The following SLC25A24 variants were observed in gnomAD, a reference collection of about 807,000 sequenced individuals.
SLC25A24 encodes the protein solute carrier family 25 member 24.
A neutral mutation model predicts 60.7 loss-of-function variants in SLC25A24; 49 were observed. That is an observed-to-expected ratio of 0.81 (90% confidence interval 0.64 to 1.02). SLC25A24 has a LOEUF of 1.02. Among genes scored for constraint, SLC25A24 ranks in the 50% least tolerant of loss-of-function variants. The probability of loss-of-function intolerance (pLI) is 0.00; values close to 1 mark genes in which losing one functional copy is unlikely to be tolerated. For missense variants in SLC25A24, 564 were observed against 586.3 expected (o/e 0.96, Z 0.39); for synonymous variants, 202 against 200.6 (o/e 1.01, Z -0.06).
chr1:108,164,270 C>T (rs538917554), intron 3 of SLC25A24, among the ~76,000 whole-genome samples: 4,725 of 152,016 alleles, frequency 0.031, 201 homozygotes, highest in African/African-American at 0.11. Flanking sequence ...TGTTGTGTCT[C>T]TGCCTGGCTT....
At chr1:108,143,797 T>C in intron 7 of SLC25A24, 87 bp from the exon 8 acceptor site, 2 of 959,792 alleles carry the variant, frequency 2.1e-6, no homozygotes, top group Middle Eastern at 2.3e-4. Flanking sequence ...ATGGAACAAA[T>C]ACCTAGCACA....
intron 6 of SLC25A24, among the ~76,000 whole-genome samples, chr1:108,151,310 T>C (rs1679749917): frequency 6.6e-6 from 1 of 152,174 alleles, no homozygotes; most frequent in Non-Finnish European, 1.5e-5. Flanking sequence ...AGTTTCCTTC[T>C]CTTCACTGTC....
chr1:108,143,390 A>C (rs1167837879), intron 8 of SLC25A24, among the ~76,000 whole-genome samples, 153 bp downstream of exon 8: 2 of 152,236 alleles, frequency 1.3e-5, no homozygotes, highest in Non-Finnish European at 2.9e-5. Context: ...ATGCATATTC[A>C]CACTCAAGTT....
intron 2 of SLC25A24, among the ~76,000 whole-genome samples, chr1:108,183,410 TA>T (rs1648007831): frequency 6.6e-6 from 1 of 152,258 alleles, no homozygotes; most frequent in East Asian, 1.9e-4. Context: ...TCATCTTCCA[TA>T]AAGTTCTATA....
chr1:108,173,276 A>G (rs1647544135), intron 3 of SLC25A24, among the ~76,000 whole-genome samples: 1 of 152,120 alleles, frequency 6.6e-6, no homozygotes, highest in African/African-American at 2.4e-5. Flanking sequence ...GAGGTAATTG[A>G]ATTATGGGGG....
Position 108,185,922 on chromosome 1 carries a change from A to G in SLC25A24, c.216T>C (p.Asp72=), listed in dbSNP as rs146823029. The G allele has an allele frequency of 5.9e-5, 94 of 1,598,476 alleles. No individual in the cohort carries two copies. Among genetic ancestry groups the G allele is most frequent in the Admixed American group, 8.5e-5 (5 of 59,078 alleles). Residue 72 remains aspartate, a synonymous_variant, in exon 2 of 10, where the codon GAT becomes GAC. Coordinates refer to ENST00000565488, the MANE Select transcript of SLC25A24 (RefSeq NM_013386.5). ...TAAATTCTTCAAAATCCAGCTTCCC[A>G]TCTTTGTTGACATCTCCAGTAGTAA... ...KIFTTGDVNK[D]GKLDFEEFMK... is the part of the protein sequence containing the mutation.
chr1:108,149,184 A>G (rs1235965785), intron 6 of SLC25A24, among the ~76,000 whole-genome samples: 1 of 152,258 alleles, frequency 6.6e-6, no homozygotes, highest in Non-Finnish European at 1.5e-5. Context: ...TTATAAAAAC[A>G]GTTTCTGTAG....
Position 108,155,026 on chromosome 1 carries a change from T to C in SLC25A24, c.779A>G (p.Lys260Arg), listed in dbSNP as rs1679856511. ...LWRGNGTNVI[K>R]IAPETAVKFW... ...TTTAACAGCTGTCTCAGGAGCAATTTTGATGACGTTTGTACCATTTCCCCT... is the reference window on the plus strand; with the variant it reads ...TTTAACAGCTGTCTCAGGAGCAATTCTGATGACGTTTGTACCATTTCCCCT... Residue 260 changes from lysine to arginine, a missense_variant, in exon 6 of 10, where the codon AAA becomes AGA. Coordinates refer to ENST00000565488, the MANE Select transcript of SLC25A24 (RefSeq NM_013386.5). The C allele has an allele frequency of 6.2e-7, 1 of 1,609,900 alleles. No individual in the cohort carries two copies. Among genetic ancestry groups the C allele is most frequent in the African/African-American group, 1.3e-5 (1 of 74,858 alleles).
At chr1:108,164,149 A>G (rs1368297538) in intron 3 of SLC25A24, among the ~76,000 whole-genome samples, 2 of 151,524 alleles carry the variant, frequency 1.3e-5, no homozygotes, top group Admixed American at 1.3e-4. Context: ...AGCCCACTTG[A>G]TCATGGTGGA....
intron 6 of SLC25A24, among the ~76,000 whole-genome samples, chr1:108,149,160 A>G (rs2336507): frequency 0.26 from 40,267 of 152,252 alleles, 5,449 homozygotes; most frequent in Middle Eastern, 0.28. Context: ...ACAAACAAAT[A>G]TTAACAAAAC....
Position 108,200,204 on chromosome 1 carries a change from C to T in SLC25A24, c.-66G>A. The T allele has an allele frequency of 2.8e-6, 4 of 1,425,492 alleles. No individual in the cohort carries two copies. The highest frequency in any genetic ancestry group is 3.7e-6 in the Non-Finnish European group (4 of 1,085,078). The allele number at this position is 1,425,492 out of a possible 1,614,324, so 88.3% of individuals were successfully genotyped here. On this transcript the variant is annotated 5_prime_UTR_variant, in exon 1 of 10. Transcript: ENST00000565488. ...GAGATCGAGGGCTGCGGGGCGAGAC[C>T]GGGACCAGCGCGAGGCCGGGCTGGG...
In SLC25A24 at chr1:108,142,354, A is replaced by T. The variant is rs183068564; in HGVS notation, c.1098+1189T>A. Among the ~76,000 whole-genome samples, 1,153 of 152,352 alleles carry T rather than the reference A, an allele frequency of 7.6e-3. 12 individuals carry two copies. Among genetic ancestry groups the T allele is most frequent in the Middle Eastern group, 0.041 (12 of 294 alleles). On this transcript the variant is annotated intron_variant, in intron 8 of 9. Transcript: ENST00000565488. ...GCAGCATTATTCACAATGTTGGAAAAGTAGAAATAATCCAAATGCTCTTCA... is the reference window on the plus strand; with the variant it reads ...GCAGCATTATTCACAATGTTGGAAATGTAGAAATAATCCAAATGCTCTTCA...
At chr1:108,185,714 CAAAT>C in intron 2 of SLC25A24, 110 bp downstream of exon 2, 1 of 787,032 alleles carries the variant, frequency 1.3e-6, no homozygotes, top group Non-Finnish European at 2.0e-6. Flanking sequence ...AGTATTAACA[CAAAT>C]AATAATTATC....
At chr1:108,170,363 C>T (rs1257258163) in intron 3 of SLC25A24, among the ~76,000 whole-genome samples, 4 of 152,222 alleles carry the variant, frequency 2.6e-5, no homozygotes, top group Non-Finnish European at 4.4e-5. Context: ...ATGTGTTGAA[C>T]CTGGCTTTAT....
chr1:108,143,465 A>G, intron 8 of SLC25A24, 78 bp downstream of exon 8: 2 of 1,226,898 alleles, frequency 1.6e-6, no homozygotes, highest in Non-Finnish European at 2.3e-6. Flanking sequence ...TCTGGTATAT[A>G]TCTACTTCTT....
chr1:108,175,401 G>T (rs187014737), intron 3 of SLC25A24, among the ~76,000 whole-genome samples: 1 of 152,204 alleles, frequency 6.6e-6, no homozygotes, highest in Non-Finnish European at 1.5e-5. Context: ...TTTCCTGAGG[G>T]CTCCTCAGCC....
At position 108,200,221 on chromosome 1, in the gene SLC25A24, C is replaced by T; in HGVS notation, c.-83G>A. Reference sequence around the variant, plus strand: ...GGCGAGACCGGGACCAGCGCGAGGCCGGGCTGGGCGGGGCGCGCGGCGCAA... The same window carrying T: ...GGCGAGACCGGGACCAGCGCGAGGCTGGGCTGGGCGGGGCGCGCGGCGCAA... On this transcript the variant is annotated 5_prime_UTR_variant, in exon 1 of 10. Transcript: ENST00000565488. The T allele has an allele frequency of 5.3e-6, 7 of 1,318,804 alleles. No homozygotes were observed. The highest frequency in any genetic ancestry group is 3.0e-5 in the East Asian group (1 of 33,418). 81.7% of individuals were successfully genotyped at this position (1,318,804 alleles called of 1,614,324 possible).
chr1:108,174,088 A>G (rs778020378), intron 3 of SLC25A24, among the ~76,000 whole-genome samples: 11 of 152,278 alleles, frequency 7.2e-5, no homozygotes, highest in Admixed American at 2.0e-4. Flanking sequence ...AGCTGCAGAA[A>G]TCTGCATAAG....
intron 3 of SLC25A24, among the ~76,000 whole-genome samples, chr1:108,179,698 G>A (rs1035951218): frequency 2.0e-5 from 3 of 152,326 alleles, no homozygotes; most frequent in African/African-American, 7.2e-5. Context: ...TCTCATAGAA[G>A]CAGAGAGCAG....
Sources: allele counts gnomAD v4.1 joint callset (sites outside exome capture counted in the v4.1 genomes callset), GRCh38; gene constraint gnomAD v4.1.1; transcripts MANE v1.5; gene names NCBI Gene and HGNC (gene_info 2026-07-23, HGNC 2026-07-21).